Variants in NRXN3 observed in about 807,000 individuals in gnomAD.
NRXN3 encodes neurexin 3, also known as neurexin III.
Under a neutral mutation model 137.6 loss-of-function variants are expected in NRXN3, and 32 were observed. That is an observed-to-expected ratio of 0.23 (90% confidence interval 0.18 to 0.31). The LOEUF is 0.31. Among genes scored for constraint, NRXN3 ranks in the 10% least tolerant of loss-of-function variants. The pLI, the probability that NRXN3 is intolerant of heterozygous loss-of-function variation, is 1.00. For synonymous variants in NRXN3, 798 were observed against 784.5 expected (o/e 1.02, Z -0.29); for missense variants, 1,574 against 2,062.5 (o/e 0.76, Z 4.59).
At chr14:79,504,641 T>TTATATATATATATGTATATA (rs1555491925) in intron 16 of NRXN3, among the ~76,000 whole-genome samples, 1 of 97,876 alleles carries the variant, frequency 1.0e-5, no homozygotes, top group Non-Finnish European at 2.2e-5. Context: ...ATGAAGTTTT[T>TTATATATATATATGTATATA]TATATATATA....
rs563970170 is a variant in NRXN3, at chr14:78,715,526, A to G, written c.2044+387A>G. On this transcript the variant is annotated intron_variant, in intron 8 of 20. Coordinates refer to ENST00000335750, the MANE Select transcript of NRXN3 (RefSeq NM_001330195.2). ...AACTCCTGGGTTAGGCTTTAGAAAT[A>G]CAATGTTGAACAAGACAGGTACATC... Among the ~76,000 whole-genome samples the G allele has an allele frequency of 2.0e-5, 3 of 152,330 alleles. No individual in the cohort carries two copies. The South Asian group carries it at 6.2e-4, about 32-fold the overall frequency.
chr14:79,761,419 C>G (rs2099038078), intron 19 of NRXN3, among the ~76,000 whole-genome samples: 1 of 151,608 alleles, frequency 6.6e-6, no homozygotes, highest in South Asian at 2.1e-4. Context: ...ACTCCAAAAC[C>G]TTTCTCCTTA....
intron 15 of NRXN3, among the ~76,000 whole-genome samples, chr14:79,060,485 A>G (rs533435682): frequency 8.5e-5 from 13 of 152,282 alleles, no homozygotes; most frequent in African/African-American, 2.9e-4. Context: ...CTCTATTCCT[A>G]TGATGGATGA....
At chr14:79,243,494 G>C (rs2074635362) in intron 15 of NRXN3, among the ~76,000 whole-genome samples, 1 of 152,228 alleles carries the variant, frequency 6.6e-6, no homozygotes, top group Non-Finnish European at 1.5e-5. Context: ...ATAATCCTAT[G>C]CGTAAAACAA....
At chr14:79,625,658 G>A (rs2098273918) in intron 16 of NRXN3, among the ~76,000 whole-genome samples, 1 of 152,236 alleles carries the variant, frequency 6.6e-6, no homozygotes, top group South Asian at 2.1e-4. Context: ...ATTCAAGCCA[G>A]TTTAGTCTTC....
intron 2 of NRXN3, among the ~76,000 whole-genome samples, chr14:78,260,426 G>A (rs1299364783): frequency 2.0e-5 from 3 of 152,142 alleles, no homozygotes; most frequent in Non-Finnish European, 4.4e-5. Context: ...TAGGACTTAC[G>A]CTTCTAAGTT....
chr14:79,795,113 T>C (rs985268931), intron 19 of NRXN3, among the ~76,000 whole-genome samples: 4 of 152,198 alleles, frequency 2.6e-5, no homozygotes, highest in African/African-American at 9.7e-5. Context: ...AGCAAATGAG[T>C]GTTGCTGTTT....
chr14:79,267,835 C>T (rs1405155837), intron 15 of NRXN3, among the ~76,000 whole-genome samples: 1 of 152,140 alleles, frequency 6.6e-6, no homozygotes, highest in Non-Finnish European at 1.5e-5. Context: ...TTGACGTAGA[C>T]TGGTATGACA....
intron 2 of NRXN3, among the ~76,000 whole-genome samples, chr14:78,246,858 C>T (rs556388946): frequency 1.3e-5 from 2 of 152,312 alleles, no homozygotes; most frequent in African/African-American, 4.8e-5. Flanking sequence ...CATCCATTCT[C>T]CCCACCCAAC....
chr14:79,683,062 G>A (rs189838678), intron 17 of NRXN3, among the ~76,000 whole-genome samples: 112 of 152,234 alleles, frequency 7.4e-4, no homozygotes, highest in African/African-American at 2.6e-3. Flanking sequence ...TAATTTCTGG[G>A]TCTTAGATGA....
intron 15 of NRXN3, among the ~76,000 whole-genome samples, chr14:79,026,768 C>T (rs2099598621): frequency 6.6e-6 from 1 of 151,856 alleles, no homozygotes; most frequent in African/African-American, 2.4e-5. Flanking sequence ...TTTGTGGGCC[C>T]ATCAGCTCTA....
intron 4 of NRXN3, among the ~76,000 whole-genome samples, chr14:78,399,676 C>T (rs1307230954): frequency 6.6e-6 from 1 of 152,142 alleles, no homozygotes; most frequent in African/African-American, 2.4e-5. Flanking sequence ...GTTAGTTGGC[C>T]CTTAATAACT....
Position 79,479,600 on chromosome 14 carries a change from A to G in NRXN3, c.3444+12198A>G, listed in dbSNP as rs541957212. On this transcript the variant is annotated intron_variant, in intron 16 of 20. Transcript: ENST00000335750. ...TAATATTTATTTAAATCCACAGTTAAGAATGATAAACAGGACTAGAGAATG... is the reference window on the plus strand; with the variant it reads ...TAATATTTATTTAAATCCACAGTTAGGAATGATAAACAGGACTAGAGAATG... Among the ~76,000 whole-genome samples the G allele has an allele frequency of 5.3e-5, 8 of 152,260 alleles. No individual in the cohort carries two copies. The East Asian group carries it at 1.2e-3, about 22-fold the overall frequency.
intron 15 of NRXN3, among the ~76,000 whole-genome samples, chr14:79,390,027 A>G (rs1171384110): frequency 6.6e-6 from 1 of 152,202 alleles, no homozygotes; most frequent in Non-Finnish European, 1.5e-5. Context: ...AAAAATCTAC[A>G]TGAATTAGGT....
chr14:78,891,613 T>A (rs2099159283), intron 10 of NRXN3, among the ~76,000 whole-genome samples: 1 of 151,966 alleles, frequency 6.6e-6, no homozygotes. Flanking sequence ...TCACCACAAA[T>A]GAACACAGAT....
At chr14:78,598,366 T>C (rs1274605342) in intron 4 of NRXN3, among the ~76,000 whole-genome samples, 1 of 151,390 alleles carries the variant, frequency 6.6e-6, no homozygotes, top group Non-Finnish European at 1.5e-5. Context: ...CCTGAGATTC[T>C]GCAGAGAGAG....
At chr14:78,957,981 A>G (rs1440422355) in intron 11 of NRXN3, among the ~76,000 whole-genome samples, 2 of 152,220 alleles carry the variant, frequency 1.3e-5, no homozygotes, top group African/African-American at 4.8e-5. Flanking sequence ...AGAAACATTC[A>G]GAGCTCCACA....
At chr14:79,345,999 C>A (rs984644336) in intron 15 of NRXN3, among the ~76,000 whole-genome samples, 6 of 152,202 alleles carry the variant, frequency 3.9e-5, no homozygotes, top group Non-Finnish European at 7.3e-5. Flanking sequence ...CTCTATCAAC[C>A]TACATTAGGC....
intron 4 of NRXN3, among the ~76,000 whole-genome samples, chr14:78,504,617 A>G (rs1483030134): frequency 6.6e-6 from 1 of 152,142 alleles, no homozygotes; most frequent in Non-Finnish European, 1.5e-5. Flanking sequence ...CCCTCAAACC[A>G]TTTATGGAGA....
Sources: allele counts gnomAD v4.1 joint callset (sites outside exome capture counted in the v4.1 genomes callset), GRCh38; gene constraint gnomAD v4.1.1; transcripts MANE v1.5; gene names NCBI Gene and HGNC (gene_info 2026-07-23, HGNC 2026-07-21).